The following USF1 variants were observed in gnomAD, a reference collection of about 807,000 sequenced individuals.
USF1 encodes upstream stimulatory factor 1.
USF1 carries 22 observed loss-of-function variants against 46.3 expected under a neutral mutation model. That is an observed-to-expected ratio of 0.47 (90% CI 0.34 to 0.68). USF1 has a LOEUF of 0.68. Ranked by LOEUF, USF1 falls within the 30% of genes least tolerant of loss-of-function variation. The pLI, the probability that USF1 is intolerant of heterozygous loss-of-function variation, is 0.01. For synonymous variants in USF1, 150 were observed against 147.0 expected, an observed-to-expected ratio of 1.02 and a Z score of -0.15; for missense variants, 287 against 399.3, an observed-to-expected ratio of 0.72 and a Z score of 2.40.
Position 161,039,296 on chromosome 1 carries a change from A to AAAAG in USF1, c.*623_*624insCTTT, listed in dbSNP as rs1650408392. 1 of 126,004 alleles carries AAAAG rather than the reference A, an allele frequency of 7.9e-6. No individual in the cohort carries two copies. Among genetic ancestry groups the AAAAG allele is most frequent in the East Asian group, 1.6e-4 (1 of 6,384 alleles). The allele number at this position is 126,004 out of a possible 1,614,324, so 7.8% of individuals were successfully genotyped here. On this transcript the variant is annotated 3_prime_UTR_variant, in exon 11 of 11. Transcript: ENST00000368021. ...TTAAAAAAAAAAAAAAAAAAAAAAA[A>AAAAG]AAAAGAAAAGAAAAAAAAAAAACGA...
chr1:161,040,798 C>G lies in USF1; in HGVS notation c.619+16G>C. On this transcript the variant is annotated intron_variant, in intron 8 of 10. Transcript: ENST00000368021. This position sits in a 1 kb window ranked among gnomAD's most constrained non-coding sequence, Gnocchi z 4.0. ...TCACACCAGACAGCTTCTAGCTCCA[C>G]CCAGATCATACCTACCTTCATTATG... is the stretch of plus-strand genomic sequence containing the variant. The G allele has an allele frequency of 6.2e-7, 1 of 1,614,134 alleles. No individual in the cohort carries two copies.
intron 2 of USF1, 69 bp from the exon 3 acceptor site, chr1:161,042,951 A>ACATATGG: frequency 3.1e-6 from 5 of 1,603,268 alleles, no homozygotes; most frequent in African/African-American, 1.3e-5. Flanking sequence ...TGGCCCAGTA[A>ACATATGG]CATATGGCTG....
chr1:161,041,969 G>A, intron 5 of USF1, 123 bp from the exon 6 acceptor site: 2 of 1,267,188 alleles, frequency 1.6e-6, no homozygotes, highest in Non-Finnish European at 2.2e-6. Context: ...GAGAGAGAGA[G>A]AAACATCCAG....
chr1:161,041,434 C>A, intron 6 of USF1, 23 bp from the exon 7 acceptor site: 1 of 1,610,644 alleles, frequency 6.2e-7, no homozygotes, highest in South Asian at 1.1e-5. Context: ...AGGGTAGGTT[C>A]TGTCAGGACA....
At position 161,041,325 on chromosome 1, in the gene USF1, G is replaced by A; in HGVS notation, c.559C>T (p.Pro187Ser). ...SIAPRTHPYS[P>S]KSEAPRTTRD... ...TGAGAAGAAACAAGGGTCACTCACG[G>A]GGAATAAGGGTGAGTCCTAGGGGCA... Residue 187 changes from proline (P) to serine (S), a missense_variant and splice_region_variant, in exon 7 of 11, where the codon CCG becomes TCG. Pro to Ser is a moderately conservative substitution (Grantham distance 74). Transcript: ENST00000368021. 6.2e-7 allele frequency: 1 copy of A among 1,610,010 alleles called. No individual in the cohort carries two copies. The highest frequency in any genetic ancestry group is 1.3e-5 in the African/African-American group (1 of 74,656).
chr1:161,040,255 C>T lies in USF1; in HGVS notation c.790G>A (p.Glu264Lys). The part of the protein sequence containing the change: ...LRQSNHRLSE[E>K]LQGLDQLQLD... ...TGCAGTTGGTCAAGTCCCTGCAGTTCTTCAGACAAGCGGTGGTTACTCTGC... is the reference window on the plus strand; with the variant it reads ...TGCAGTTGGTCAAGTCCCTGCAGTTTTTCAGACAAGCGGTGGTTACTCTGC... The change falls in exon 10 of 11, where the codon GAA becomes AAA. Residue 264 changes from glutamate (E) to lysine (K), a missense_variant. Physicochemically the swap from Glu to Lys is moderately conservative, Grantham distance 56. Coordinates refer to ENST00000368021, the MANE Select transcript of USF1 (RefSeq NM_007122.5). This position sits in a 1 kb window ranked among gnomAD's most constrained non-coding sequence, Gnocchi z 4.0. 6.2e-7 allele frequency: 1 copy of T among 1,614,204 alleles called. No individual in the cohort carries two copies. The highest frequency in any genetic ancestry group is 8.5e-7 in the Non-Finnish European group (1 of 1,180,024).
chr1:161,044,021 C>T (rs1650694772), intron 1 of USF1, among the ~76,000 whole-genome samples: 1 of 145,870 alleles, frequency 6.9e-6, no homozygotes, highest in Non-Finnish European at 1.5e-5. Context: ...TCTCGGCTTA[C>T]AACCTCCATC....
At position 161,040,136 on chromosome 1, in the gene USF1, A is replaced by T; in HGVS notation, c.843+66T>A. Reference sequence around the variant, plus strand: ...GCCTTCTCCATGGAGAACAAAGTAGAGGGTGTCAAACTGGGTCAGTGGCTA... The same window carrying T: ...GCCTTCTCCATGGAGAACAAAGTAGTGGGTGTCAAACTGGGTCAGTGGCTA... On this transcript the variant is annotated intron_variant, in intron 10 of 10. Coordinates refer to ENST00000368021, the MANE Select transcript of USF1 (RefSeq NM_007122.5). The surrounding 1 kb of genome is among the most constrained non-coding windows in gnomAD (Gnocchi z 4.0). The T allele has an allele frequency of 6.2e-7, 1 of 1,610,610 alleles. No homozygotes were observed. Among genetic ancestry groups the T allele is most frequent in the Non-Finnish European group, 8.5e-7 (1 of 1,177,518 alleles).
chr1:161,041,179 T>C, intron 7 of USF1, 145 bp downstream of exon 7: 1 of 769,380 alleles, frequency 1.3e-6, no homozygotes, highest in South Asian at 1.9e-5. Flanking sequence ...TGAGAAACGC[T>C]TGAACCCTGG....
intron 1 of USF1, among the ~76,000 whole-genome samples, chr1:161,044,375 C>T (rs1271509738): frequency 6.6e-6 from 1 of 152,218 alleles, no homozygotes; most frequent in Non-Finnish European, 1.5e-5. Flanking sequence ...ATGCTTCTTC[C>T]AGTTTCTCAG....
chr1:161,043,105 G>A, intron 2 of USF1, 163 bp downstream of exon 2: 1 of 1,313,604 alleles, frequency 7.6e-7, no homozygotes, highest in South Asian at 1.3e-5. Flanking sequence ...GAGATAGATA[G>A]CACTACTTCC....
chr1:161,040,313 T>C lies in USF1; in HGVS notation c.732A>G (p.Leu244=). 1 of 1,614,166 alleles carries C rather than the reference T, an allele frequency of 6.2e-7. No homozygotes were observed. The highest frequency in any genetic ancestry group is 8.5e-7 in the Non-Finnish European group (1 of 1,180,030). ...TKSGQSKGGI[L]SKACDYIQEL... ...CCTGGATATAATCACAAGCTTTGGA[T>C]AGAATCCCACCTTTACTCTGCAAGA... The change falls in exon 10 of 11, where the codon CTA becomes CTG. Residue 244 remains leucine, a synonymous_variant. Coordinates refer to ENST00000368021, the MANE Select transcript of USF1 (RefSeq NM_007122.5). This position sits in a 1 kb window ranked among gnomAD's most constrained non-coding sequence, Gnocchi z 4.0.
intron 1 of USF1, among the ~76,000 whole-genome samples, chr1:161,045,629 C>T (rs1201019067): frequency 6.6e-6 from 1 of 152,182 alleles, no homozygotes; most frequent in African/African-American, 2.4e-5. Flanking sequence ...GCGGCTGCGG[C>T]GCGCAGCTGG....
At chr1:161,045,403 A>G (rs1438824337) in intron 1 of USF1, among the ~76,000 whole-genome samples, 1 of 152,242 alleles carries the variant, frequency 6.6e-6, no homozygotes, top group Non-Finnish European at 1.5e-5. Context: ...AACTCCCGAA[A>G]GAAGTCAGGC....
At chr1:161,042,807 G>A (rs748697240) in intron 3 of USF1, 26 bp downstream of exon 3, 8 of 1,614,078 alleles carry the variant, frequency 5.0e-6, no homozygotes, top group Admixed American at 1.7e-5. Flanking sequence ...TGGGTTCTTA[G>A]TCTTGGTTCT....
Position 161,040,080 on chromosome 1 carries a change from A to G in USF1, c.844-71T>C. The G allele has an allele frequency of 1.2e-6, 2 of 1,611,754 alleles. No homozygotes were observed. Among genetic ancestry groups the G allele is most frequent in the Non-Finnish European group, 1.7e-6 (2 of 1,178,092 alleles). On this transcript the variant is annotated intron_variant, in intron 10 of 10. Transcript: ENST00000368021. This position sits in a 1 kb window ranked among gnomAD's most constrained non-coding sequence, Gnocchi z 4.0. ...CACTTCCAAGCCCCTGAATGTATTC[A>G]GACATCCACTGGTGAGGGGGAAAAG...
intron 1 of USF1, among the ~76,000 whole-genome samples, chr1:161,043,648 G>T (rs1211202483): frequency 1.5e-5 from 2 of 134,168 alleles, no homozygotes; most frequent in Non-Finnish European, 3.1e-5. Context: ...TTTTGAGACA[G>T]AGTCTCTCTC....
intron 4 of USF1, 61 bp from the exon 5 acceptor site, chr1:161,042,278 T>A (rs534365952): frequency 6.6e-7 from 1 of 1,517,650 alleles, no homozygotes; most frequent in South Asian, 1.2e-5. Flanking sequence ...GTGTTGGGAA[T>A]CCTAGGGCCC....
Position 161,039,632 on chromosome 1 carries a change from G to T in USF1, c.*288C>A. The stretch of plus-strand genomic sequence containing the variant: ...AGCACAGGACAAGCCCCAGAGTTTA[G>T]TGTGTCCAGTATCCAGCATGGAGAC... On this transcript the variant is annotated 3_prime_UTR_variant, in exon 11 of 11. Transcript: ENST00000368021. 1 of 413,800 alleles carries T rather than the reference G, an allele frequency of 2.4e-6. No individual in the cohort carries two copies. The highest frequency in any genetic ancestry group is 4.4e-6 in the Non-Finnish European group (1 of 224,834). 25.6% of individuals were successfully genotyped at this position (413,800 alleles called of 1,614,324 possible). A position where few individuals can be genotyped will look rare whatever the true frequency, so the allele number is the denominator to read the frequency against.
Sources: gnomAD v4.1 joint callset for allele counts (sites outside exome capture counted in the v4.1 genomes callset) on GRCh38, gnomAD v4.1.1 for gene constraint, Gnocchi (gnomAD v3.1) non-coding constraint, MANE v1.5 for transcripts, NCBI Gene and HGNC (gene_info 2026-07-23, HGNC 2026-07-21) for gene names.